Variants in DLGAP1 observed in about 807,000 individuals in gnomAD.
The protein encoded by DLGAP1 is DLG associated protein 1, also known as disks large-associated protein 1.
A neutral mutation model predicts 90.8 loss-of-function variants in DLGAP1; 11 were observed. That is an observed-to-expected ratio of 0.12 (90% CI 0.08 to 0.20). The LOEUF (loss-of-function observed/expected upper bound fraction) is 0.20. Ranked by LOEUF, DLGAP1 falls within the 10% of genes least tolerant of loss-of-function variation. DLGAP1 has a pLI of 1.00. For missense variants in DLGAP1, 1,050 were observed against 1,333.8 expected (o/e 0.79, Z 3.31); for synonymous variants, 558 against 540.7 (o/e 1.03, Z -0.44).
intron 3 of DLGAP1, among the ~76,000 whole-genome samples, chr18:3,988,679 C>T (rs1320896147): frequency 6.6e-6 from 1 of 152,102 alleles, no homozygotes; most frequent in African/African-American, 2.4e-5. Flanking sequence ...TTCCACTCAC[C>T]TGCGATGCAG....
At chr18:3,774,878 A>G (rs954764976) in intron 5 of DLGAP1, among the ~76,000 whole-genome samples, 33 of 152,150 alleles carry the variant, frequency 2.2e-4, no homozygotes, top group African/African-American at 7.9e-4. Flanking sequence ...TCATCTGCCT[A>G]AAGTCTGGAC....
intron 12 of DLGAP1, among the ~76,000 whole-genome samples, chr18:3,501,131 T>C (rs1328583182): frequency 6.6e-6 from 1 of 151,650 alleles, no homozygotes; most frequent in East Asian, 1.9e-4. Flanking sequence ...TTGCCCAGGC[T>C]GGTTTTGAAC....
chr18:3,676,991 G>A lies in DLGAP1; in HGVS notation c.1591+52144C>T, dbSNP rs1163612649. 2.6e-5 allele frequency among the ~76,000 whole-genome samples: 4 copies of A among 151,950 alleles called. No homozygotes were observed. In the East Asian group the frequency reaches 7.7e-4, roughly 29 times the overall value. On this transcript the variant is annotated intron_variant, in intron 7 of 12. Transcript: ENST00000315677. ...ACCACCCTTTAAACTCTTATTTTGA[G>A]GCTAATTCCACTCATACAGTTTTCT...
At position 4,187,176 on chromosome 18, in the gene DLGAP1, T is replaced by A. The variant is rs560955164; in HGVS notation, c.-266-35889A>T. On this transcript the variant is annotated intron_variant, in intron 1 of 12. Transcript: ENST00000315677. Reference sequence around the variant, plus strand: ...GGTCAAAAGTATGAAGTTTTCTACATATAGAACCATTTCATCGGCAAACAG... The same window carrying A: ...GGTCAAAAGTATGAAGTTTTCTACAAATAGAACCATTTCATCGGCAAACAG... Among the ~76,000 whole-genome samples, 5 of 152,314 alleles carry A rather than the reference T, an allele frequency of 3.3e-5. No individual in the cohort carries two copies. The South Asian group carries it at 1.0e-3, about 32-fold the overall frequency.
rs1210754203 is a variant in DLGAP1, at chr18:3,943,736, C to A, written c.-73+61380G>T. ...CAAATTCCTAAGTTGAATTCCTAAC[C>A]CCCAGTGTCTCGGAATGTGACTGTA... is the stretch of plus-strand genomic sequence containing the variant. On this transcript the variant is annotated intron_variant, in intron 3 of 12. Coordinates refer to ENST00000315677, the MANE Select transcript of DLGAP1 (RefSeq NM_004746.4). Among the ~76,000 whole-genome samples the A allele has an allele frequency of 1.1e-4, 17 of 152,248 alleles. No homozygotes were observed. The South Asian group carries it at 1.5e-3, about 13-fold the overall frequency.
At chr18:3,796,915 T>C (rs1346047346) in intron 5 of DLGAP1, among the ~76,000 whole-genome samples, 1 of 152,184 alleles carries the variant, frequency 6.6e-6, no homozygotes, top group Non-Finnish European at 1.5e-5. Flanking sequence ...TTCCTCCTGA[T>C]TCATATGTTG....
chr18:4,349,391 A>C (rs573706604), intron 1 of DLGAP1, among the ~76,000 whole-genome samples: 2 of 152,302 alleles, frequency 1.3e-5, no homozygotes, highest in African/African-American at 4.8e-5. Context: ...AGACATAACA[A>C]GTAAATGCAG....
At chr18:3,546,152 G>A (rs1484529899) in intron 9 of DLGAP1, among the ~76,000 whole-genome samples, 1 of 152,134 alleles carries the variant, frequency 6.6e-6, no homozygotes, top group Non-Finnish European at 1.5e-5. Flanking sequence ...GGCCAGGCTT[G>A]GTGGCTCACG....
intron 4 of DLGAP1, among the ~76,000 whole-genome samples, chr18:3,868,178 G>T (rs1402844514): frequency 6.6e-6 from 1 of 152,138 alleles, no homozygotes; most frequent in Non-Finnish European, 1.5e-5. Flanking sequence ...AACAGGAAAC[G>T]ATCTAAAATC....
At chr18:4,156,891 T>G (rs928577696) in intron 1 of DLGAP1, among the ~76,000 whole-genome samples, 1 of 152,124 alleles carries the variant, frequency 6.6e-6, no homozygotes, top group East Asian at 1.9e-4. Flanking sequence ...TAGGGCCGAG[T>G]GCACAGCTGA....
At chr18:4,069,084 A>G (rs1429859916) in intron 2 of DLGAP1, among the ~76,000 whole-genome samples, 4 of 152,162 alleles carry the variant, frequency 2.6e-5, no homozygotes, top group African/African-American at 9.7e-5. Context: ...CTCTGAGAGT[A>G]TATAGATAGA....
chr18:3,752,654 C>A (rs1320183015), intron 5 of DLGAP1, among the ~76,000 whole-genome samples: 1 of 140,524 alleles, frequency 7.1e-6, no homozygotes, highest in African/African-American at 2.6e-5. Context: ...CTCTCTCCTT[C>A]CTTTTTACGA....
At chr18:4,308,481 T>A (rs943014026) in intron 1 of DLGAP1, among the ~76,000 whole-genome samples, 1 of 152,226 alleles carries the variant, frequency 6.6e-6, no homozygotes, top group Non-Finnish European at 1.5e-5. Flanking sequence ...TTCAACTTCA[T>A]GGAAGATAAA....
intron 4 of DLGAP1, among the ~76,000 whole-genome samples, chr18:3,826,639 C>T (rs1555683440): frequency 6.6e-6 from 1 of 152,062 alleles, no homozygotes; most frequent in East Asian, 1.9e-4. Context: ...AAGGTGAGGA[C>T]AGTGATTTGG....
intron 1 of DLGAP1, among the ~76,000 whole-genome samples, chr18:4,442,991 G>T (rs1001474945): frequency 6.6e-6 from 1 of 152,112 alleles, no homozygotes; most frequent in African/African-American, 2.4e-5. Context: ...ATAAGTGAAG[G>T]AATGAATGAA....
intron 10 of DLGAP1, among the ~76,000 whole-genome samples, chr18:3,532,376 T>A (rs1038808930): frequency 6.6e-6 from 1 of 151,782 alleles, no homozygotes; most frequent in Admixed American, 6.6e-5. Flanking sequence ...GCTCAGGAGT[T>A]CAAGACCAGC....
At chr18:3,976,785 T>G (rs1291138299) in intron 3 of DLGAP1, among the ~76,000 whole-genome samples, 1 of 152,212 alleles carries the variant, frequency 6.6e-6, no homozygotes, top group African/African-American at 2.4e-5. Context: ...AAATTGATTT[T>G]CAAAAACTCT....
At chr18:3,586,513 C>A (rs373307003) in intron 7 of DLGAP1, among the ~76,000 whole-genome samples, 2 of 151,564 alleles carry the variant, frequency 1.3e-5, no homozygotes, top group East Asian at 3.9e-4. Flanking sequence ...CAACTACAGA[C>A]GGGATCTCAC....
At chr18:4,316,097 A>G (rs957753907) in intron 1 of DLGAP1, among the ~76,000 whole-genome samples, 3 of 152,198 alleles carry the variant, frequency 2.0e-5, no homozygotes, top group Admixed American at 1.3e-4. Flanking sequence ...TTTAACTACT[A>G]GTTGAAAATA....
Sources: allele counts gnomAD v4.1 joint callset (sites outside exome capture counted in the v4.1 genomes callset), GRCh38; gene constraint gnomAD v4.1.1; transcripts MANE v1.5; gene names NCBI Gene and HGNC (gene_info 2026-07-23, HGNC 2026-07-21).